The following FAM91A1 variants were observed in gnomAD, a reference collection of about 807,000 sequenced individuals.
FAM91A1 encodes the protein family with sequence similarity 91 member A1.
A neutral mutation model predicts 113.5 loss-of-function variants in FAM91A1; 41 were observed. The observed-to-expected ratio is 0.36, with a 90% CI of 0.28 to 0.47. FAM91A1 has a LOEUF of 0.47. Among genes scored for constraint, FAM91A1 ranks in the 20% least tolerant of loss-of-function variants. FAM91A1 has a pLI of 1.00. For synonymous variants in FAM91A1, 307 were observed against 347.9 expected, an observed-to-expected ratio of 0.88 and a Z score of 1.31; for missense variants, 696 against 1,001.2, an observed-to-expected ratio of 0.70 and a Z score of 4.11.
chr8:123,785,092 C>T lies in FAM91A1; in HGVS notation c.822C>T (p.Val274=). The T allele has an allele frequency of 1.9e-6, 3 of 1,586,778 alleles. No homozygotes were observed. In the South Asian group the frequency reaches 3.5e-5, roughly 19 times the overall value. Residue 274 remains valine, a synonymous_variant, in exon 10 of 24, where the codon GTC becomes GTT. Coordinates refer to ENST00000334705, the MANE Select transcript of FAM91A1 (RefSeq NM_144963.4). ...EHTNVAELAN[V]LEIDLSLVKN... ...ATTTTATCTTCTAGCTTGCAAATGT[C>T]CTTGAGATTGACTTATCCCTGGTTA...
In FAM91A1 at chr8:123,785,644, T is replaced by C; in HGVS notation, c.865T>C (p.Tyr289His). 1 of 1,602,404 alleles carries C rather than the reference T, an allele frequency of 6.2e-7. No homozygotes were observed. The highest frequency in any genetic ancestry group is 8.5e-7 in the Non-Finnish European group (1 of 1,176,216). Residue 289 changes from tyrosine (Y) to histidine (H), a missense_variant, in exon 11 of 24, where the codon TAT becomes CAT. By Grantham distance (83) the Tyr-to-His change is moderately conservative. Coordinates refer to ENST00000334705, the MANE Select transcript of FAM91A1 (RefSeq NM_144963.4). ...LSLVKNAVSM[Y>H]CRLGFAHKKG... ...TTCCTTTCAGAATGCTGTTTCAATGTATTGCCGATTGGGCTTTGCCCATAA... is the reference window on the plus strand; with the variant it reads ...TTCCTTTCAGAATGCTGTTTCAATGCATTGCCGATTGGGCTTTGCCCATAA...
rs762050905 is a variant in FAM91A1, at chr8:123,799,627, A to T, written c.1668A>T (p.Arg556Ser). Residue 556 changes from arginine to serine, a missense_variant, in exon 17 of 24, where the codon AGA (arginine) becomes AGT (serine). Arg to Ser is a moderately radical substitution (Grantham distance 110). Coordinates refer to ENST00000334705, the MANE Select transcript of FAM91A1 (RefSeq NM_144963.4). ...CCCTTTTATTGTCCAAAGGTACAAG[A>T]CTTCGAAAACTGCCAGATATATTTC... ...PPSLLLSKGTRLRKLPDIFQS... is the reference protein window; with the variant it reads ...PPSLLLSKGTSLRKLPDIFQS... 1 of 1,614,112 alleles carries T rather than the reference A, an allele frequency of 6.2e-7. No homozygotes were observed. Among genetic ancestry groups the T allele is most frequent in the South Asian group, 1.1e-5 (1 of 91,074 alleles).
chr8:123,800,042 C>T (rs868132717), intron 18 of FAM91A1, among the ~76,000 whole-genome samples, 157 bp downstream of exon 18: 4 of 152,176 alleles, frequency 2.6e-5, no homozygotes, highest in African/African-American at 9.6e-5. Context: ...GGCCGTTTGG[C>T]AGTGTGGGAG....
At chr8:123,772,688 C>T (rs1001060619) in intron 1 of FAM91A1, among the ~76,000 whole-genome samples, 1 of 152,162 alleles carries the variant, frequency 6.6e-6, no homozygotes, top group African/African-American at 2.4e-5. Context: ...CTTTTGACTT[C>T]CCCAGAAGTT....
intron 23 of FAM91A1, 82 bp downstream of exon 23, chr8:123,810,433 C>A: frequency 8.6e-7 from 1 of 1,162,758 alleles, no homozygotes; most frequent in Non-Finnish European, 1.3e-6. Flanking sequence ...TTTTGAGTCA[C>A]CACAGCAGCA....
At chr8:123,810,683 G>T in intron 23 of FAM91A1, 2 of 330,658 alleles carry the variant, frequency 6.0e-6, no homozygotes, top group Non-Finnish European at 5.5e-6. Context: ...CTCCACTGCT[G>T]GGATGGGCTG....
chr8:123,784,392 T>A lies in FAM91A1; in HGVS notation c.704-78T>A, dbSNP rs1815199554. On this transcript the variant is annotated intron_variant, in intron 8 of 23. Transcript: ENST00000334705. Reference sequence around the variant, plus strand: ...GTCCCTAAGTTAGAGGTTTCTTTTTTTAATTAGATATGTAAATTATACTTT... The same window carrying A: ...GTCCCTAAGTTAGAGGTTTCTTTTTATAATTAGATATGTAAATTATACTTT... 2.8e-6 allele frequency: 3 copies of A among 1,083,842 alleles called. No homozygotes were observed. In the Admixed American group the frequency reaches 8.5e-5, roughly 31 times the overall value. 67.1% of individuals were successfully genotyped at this position (1,083,842 alleles called of 1,614,324 possible).
Position 123,784,788 on chromosome 8 carries a change from G to A in FAM91A1, c.810+212G>A, listed in dbSNP as rs771296588. The A allele has an allele frequency of 2.1e-5, 9 of 426,402 alleles. No homozygotes were observed. In the South Asian group the frequency reaches 3.5e-4, roughly 17 times the overall value. The allele number at this position is 426,402 out of a possible 1,614,324, so 26.4% of individuals were successfully genotyped here. On this transcript the variant is annotated intron_variant, in intron 9 of 23. Transcript: ENST00000334705. ...TTATAGTTTGGTTAACTTTTTATATGACTTTTTGTACTAAAGTATTGTAGA... is the reference window on the plus strand; with the variant it reads ...TTATAGTTTGGTTAACTTTTTATATAACTTTTTGTACTAAAGTATTGTAGA...
intron 23 of FAM91A1, chr8:123,811,387 T>G (rs576279747): frequency 6.6e-6 from 1 of 152,236 alleles, no homozygotes; most frequent in African/African-American, 2.4e-5. Flanking sequence ...TTTATAAAAA[T>G]AGGCAAAAAT....
intron 14 of FAM91A1, among the ~76,000 whole-genome samples, chr8:123,789,330 AC>A (rs1422547259): frequency 6.6e-6 from 1 of 152,094 alleles, no homozygotes; most frequent in Non-Finnish European, 1.5e-5. Flanking sequence ...TTGTTTAAGC[AC>A]TCTATTTGAA....
intron 19 of FAM91A1, among the ~76,000 whole-genome samples, 197 bp downstream of exon 19, chr8:123,805,536 C>T (rs1466584417): frequency 2.6e-5 from 4 of 152,022 alleles, no homozygotes; most frequent in African/African-American, 9.7e-5. Context: ...GAATAAGACC[C>T]GTTTAGGATT....
rs1449782909 is a variant in FAM91A1, at chr8:123,812,896, CTT to C, written c.*196_*197del. ...TTGCACATCTTATTGCGACAAAGTG[CTT>C]TTTAGCAGCCAGCACTGTATTTTTT... On this transcript the variant is annotated 3_prime_UTR_variant, in exon 24 of 24. Transcript: ENST00000334705. The C allele has an allele frequency of 2.0e-6, 1 of 488,180 alleles. No individual in the cohort carries two copies. Among genetic ancestry groups the C allele is most frequent in the Non-Finnish European group, 3.5e-6 (1 of 281,832 alleles). 30.2% of individuals were successfully genotyped at this position (488,180 alleles called of 1,614,324 possible).
At chr8:123,797,059 CA>C (rs1267046144) in intron 15 of FAM91A1, among the ~76,000 whole-genome samples, 4 of 150,094 alleles carry the variant, frequency 2.7e-5, no homozygotes, top group Admixed American at 6.6e-5. Context: ...GACTCTGTCT[CA>C]AAAAAATAAA....
At chr8:123,810,973 G>A (rs1300522833) in intron 23 of FAM91A1, 1 of 152,284 alleles carries the variant, frequency 6.6e-6, no homozygotes, top group Non-Finnish European at 1.5e-5. Context: ...TGTTGTGGGA[G>A]ACAATAATCA....
At chr8:123,785,031 G>T (rs1298559826) in intron 9 of FAM91A1, 50 bp from the exon 10 acceptor site, 1 of 1,380,018 alleles carries the variant, frequency 7.2e-7, no homozygotes, top group Non-Finnish European at 1.0e-6. Flanking sequence ...ACTGTGTAAT[G>T]TGCTGTTAAT....
chr8:123,782,877 AG>A (rs1175893318), intron 8 of FAM91A1, among the ~76,000 whole-genome samples: 1 of 152,144 alleles, frequency 6.6e-6, no homozygotes, highest in Non-Finnish European at 1.5e-5. Context: ...CTCTCAAAAT[AG>A]GGGGTAACTG....
intron 8 of FAM91A1, 63 bp from the exon 9 acceptor site, chr8:123,784,407 A>C (rs1267751869): frequency 1.6e-6 from 2 of 1,251,524 alleles, no homozygotes; most frequent in Non-Finnish European, 2.2e-6. Context: ...TAGATATGTA[A>C]ATTATACTTT....
In FAM91A1 at chr8:123,806,076, G is replaced by A. The variant is rs1563649059; in HGVS notation, c.1883-4G>A. The stretch of plus-strand genomic sequence containing the variant: ...CATTAATGTGATGTCCGTTCTGTTT[G>A]TAGAGTTCACTCGTGTCAATATGGG... On this transcript the variant is annotated splice_polypyrimidine_tract_variant and splice_region_variant and intron_variant, in intron 19 of 23. Transcript: ENST00000334705. 1.3e-6 allele frequency: 2 copies of A among 1,576,400 alleles called. No homozygotes were observed. The highest frequency in any genetic ancestry group is 1.3e-5 in the African/African-American group (1 of 74,118).
chr8:123,770,019 C>T (rs1377495816), intron 1 of FAM91A1, among the ~76,000 whole-genome samples: 1 of 152,030 alleles, frequency 6.6e-6, no homozygotes, highest in Non-Finnish European at 1.5e-5. Flanking sequence ...GTGGTGTGAT[C>T]TCCGCTCACT....
Sources: allele counts gnomAD v4.1 joint callset (sites outside exome capture counted in the v4.1 genomes callset), GRCh38; gene constraint gnomAD v4.1.1; transcripts MANE v1.5; gene names NCBI Gene and HGNC (gene_info 2026-07-23, HGNC 2026-07-21).